JAKMIP2: variants seen among roughly 807,000 people sequenced by gnomAD.
JAKMIP2 encodes janus kinase and microtubule-interacting protein 2.
Under a neutral mutation model 115.0 loss-of-function variants are expected in JAKMIP2, and 25 were observed. The observed-to-expected ratio is 0.22, with a 90% confidence interval of 0.16 to 0.30. The LOEUF (loss-of-function observed/expected upper bound fraction) is 0.30, where lower values mean the gene tolerates loss of function less well. JAKMIP2 is among the 10% of genes least tolerant of loss of function. JAKMIP2 has a pLI of 1.00. For missense variants in JAKMIP2, 642 were observed against 957.6 expected, an observed-to-expected ratio of 0.67 and a Z score of 4.35; for synonymous variants, 334 against 343.6, an observed-to-expected ratio of 0.97 and a Z score of 0.31.
chr5:147,629,106 A>G (rs1021924284), intron 15 of JAKMIP2, among the ~76,000 whole-genome samples: 1 of 152,210 alleles, frequency 6.6e-6, no homozygotes, highest in Non-Finnish European at 1.5e-5. Context: ...AAAATGGAAT[A>G]AAAAACAGTC....
At chr5:147,693,397 CAT>C (rs1465102058) in intron 1 of JAKMIP2, among the ~76,000 whole-genome samples, 3 of 152,288 alleles carry the variant, frequency 2.0e-5, no homozygotes, top group East Asian at 3.9e-4. Flanking sequence ...TATTATCAGA[CAT>C]GTGACATTTG....
intron 16 of JAKMIP2, among the ~76,000 whole-genome samples, chr5:147,627,805 C>G (rs566840147): frequency 2.8e-4 from 43 of 151,074 alleles, no homozygotes; most frequent in African/African-American, 9.5e-4. Context: ...ACAAAATGTC[C>G]TTTTTAAAAA....
At chr5:147,660,627 T>G (rs1403761712) in intron 3 of JAKMIP2, 1 of 359,788 alleles carries the variant, frequency 2.8e-6, no homozygotes, top group Non-Finnish European at 5.4e-6. Flanking sequence ...TTTATAAATA[T>G]CTAAGAAAAC....
At chr5:147,660,244 G>T (rs1266388836) in intron 3 of JAKMIP2, among the ~76,000 whole-genome samples, 1 of 152,110 alleles carries the variant, frequency 6.6e-6, no homozygotes, top group Non-Finnish European at 1.5e-5. Flanking sequence ...GGCCTACCTG[G>T]TTTTTGGTCA....
chr5:147,751,973 T>C (rs542918657), intron 1 of JAKMIP2, among the ~76,000 whole-genome samples: 1 of 152,238 alleles, frequency 6.6e-6, no homozygotes, highest in Admixed American at 6.5e-5. Context: ...TATAAACTAG[T>C]ATGAAAATAC....
At chr5:147,688,625 A>G (rs1760684917) in intron 1 of JAKMIP2, among the ~76,000 whole-genome samples, 1 of 152,198 alleles carries the variant, frequency 6.6e-6, no homozygotes, top group African/African-American at 2.4e-5. Flanking sequence ...CAGTGTTGGT[A>G]AGCAATGGAG....
intron 21 of JAKMIP2, chr5:147,595,398 C>T (rs1755316454): frequency 2.2e-6 from 1 of 456,204 alleles, no homozygotes; most frequent in African/African-American, 2.0e-5. Flanking sequence ...TCTTTTGCCC[C>T]TCTGTTCCTT....
intron 1 of JAKMIP2, among the ~76,000 whole-genome samples, chr5:147,673,665 G>T (rs1405954370): frequency 2.6e-5 from 4 of 152,116 alleles, no homozygotes; most frequent in Non-Finnish European, 5.9e-5. Context: ...TAAAGTGCAG[G>T]GCTGCGAGGT....
At chr5:147,743,803 A>G (rs1754238405) in intron 1 of JAKMIP2, among the ~76,000 whole-genome samples, 1 of 152,036 alleles carries the variant, frequency 6.6e-6, no homozygotes, top group African/African-American at 2.4e-5. Context: ...TAACCTCTTA[A>G]TGATGTTCTT....
chr5:147,681,865 A>T (rs13173852), intron 1 of JAKMIP2, among the ~76,000 whole-genome samples: 1 of 151,728 alleles, frequency 6.6e-6, no homozygotes, highest in Non-Finnish European at 1.5e-5. Flanking sequence ...AACATGGAGA[A>T]ATCTCATCTC....
At chr5:147,640,880 C>T (rs1529685) in intron 8 of JAKMIP2, 57 bp from the exon 9 acceptor site, 264,076 of 1,513,454 alleles carry the variant, frequency 0.17, 30,846 homozygotes, top group East Asian at 0.57. Flanking sequence ...GAAAGTTGAA[C>T]GTTAAAATAC....
At chr5:147,780,989 G>A (rs1390366062) in intron 1 of JAKMIP2, among the ~76,000 whole-genome samples, 4 of 152,022 alleles carry the variant, frequency 2.6e-5, no homozygotes, top group African/African-American at 9.7e-5. Flanking sequence ...TATCCTGGGC[G>A]GGAATGGAAC....
chr5:147,652,308 T>C (rs1319503547), intron 3 of JAKMIP2, among the ~76,000 whole-genome samples: 1 of 152,186 alleles, frequency 6.6e-6, no homozygotes, highest in Non-Finnish European at 1.5e-5. Flanking sequence ...TATGCTATAC[T>C]GGCTTTAAGA....
chr5:147,593,021 C>T (rs79685867), intron 21 of JAKMIP2, among the ~76,000 whole-genome samples: 2 of 152,248 alleles, frequency 1.3e-5, no homozygotes, highest in Admixed American at 6.6e-5. Flanking sequence ...TACGAAGAGG[C>T]GTAAAGATAT....
intron 1 of JAKMIP2, among the ~76,000 whole-genome samples, chr5:147,686,354 A>C (rs1400375239): frequency 6.6e-6 from 1 of 152,110 alleles, no homozygotes; most frequent in East Asian, 1.9e-4. Context: ...ACTGTTTTCC[A>C]TCAAATCTAC....
At chr5:147,655,171 T>A (rs1758616824) in intron 3 of JAKMIP2, among the ~76,000 whole-genome samples, 1 of 152,164 alleles carries the variant, frequency 6.6e-6, no homozygotes, top group South Asian at 2.1e-4. Context: ...TTTCTTTTTT[T>A]GTTGTCTCTC....
In JAKMIP2 at chr5:147,661,280, CCTGCTCGTG is replaced by C. The variant is rs770752660; in HGVS notation, c.286_294del (p.His96_Gln98del). The stretch of plus-strand genomic sequence containing the variant: ...CGTACCTTCACCGTCCTTGACATTT[CCTGCTCGTG>C]CTGCTTGATAAGGTTCTCCCTCACA... On this transcript the variant is annotated inframe_deletion, in exon 3 of 22. Transcript: ENST00000616793. 2 of 1,613,978 alleles carry C rather than the reference CCTGCTCGTG, an allele frequency of 1.2e-6. No individual in the cohort carries two copies.
chr5:147,710,776 A>G (rs1280326131), intron 1 of JAKMIP2, among the ~76,000 whole-genome samples: 2 of 152,230 alleles, frequency 1.3e-5, no homozygotes, highest in Non-Finnish European at 2.9e-5. Context: ...AGAAAAACAT[A>G]AAATGATAGA....
At chr5:147,739,429 A>T (rs1029687413) in intron 1 of JAKMIP2, among the ~76,000 whole-genome samples, 1 of 152,136 alleles carries the variant, frequency 6.6e-6, no homozygotes, top group Non-Finnish European at 1.5e-5. Flanking sequence ...ACGAGACTTT[A>T]TTCATAAGAA....
Sources: gnomAD v4.1 joint callset for allele counts (sites outside exome capture counted in the v4.1 genomes callset) on GRCh38, gnomAD v4.1.1 for gene constraint, MANE v1.5 for transcripts, NCBI Gene and HGNC (gene_info 2026-07-23, HGNC 2026-07-21) for gene names.